The following ANK3 variants were observed in gnomAD, a reference collection of about 807,000 sequenced individuals.
ANK3 encodes the protein ankyrin 3, also known as ankyrin-3.
A neutral mutation model predicts 370.9 loss-of-function variants in ANK3; 57 were observed. The observed-to-expected ratio is 0.15, with a 90% CI of 0.12 to 0.19. The LOEUF (loss-of-function observed/expected upper bound fraction) is 0.19, where lower values mean the gene tolerates loss of function less well. Ranked by LOEUF, ANK3 falls within the 10% of genes least tolerant of loss-of-function variation. The probability of loss-of-function intolerance (pLI) is 1.00; values close to 1 mark genes in which losing one functional copy is unlikely to be tolerated. For synonymous variants in ANK3, 1,929 were observed against 1,946.3 expected, an observed-to-expected ratio of 0.99 and a Z score of 0.23; for missense variants, 4,439 against 5,302.1, an observed-to-expected ratio of 0.84 and a Z score of 5.06.
chr10:60,530,775 C>T (rs2076588364), intron 2 of ANK3, among the ~76,000 whole-genome samples: 1 of 152,118 alleles, frequency 6.6e-6, no homozygotes, highest in African/African-American at 2.4e-5. Flanking sequence ...TAGCTCTACA[C>T]CTTAATTTCT....
At chr10:60,129,160 C>A (rs745589278) in intron 25 of ANK3, among the ~76,000 whole-genome samples, 1 of 152,134 alleles carries the variant, frequency 6.6e-6, no homozygotes, top group Non-Finnish European at 1.5e-5. Context: ...GTTGACATAC[C>A]AATACACACC....
chr10:60,700,949 A>G (rs2079537700), intron 1 of ANK3, among the ~76,000 whole-genome samples: 1 of 152,092 alleles, frequency 6.6e-6, no homozygotes, highest in African/African-American at 2.4e-5. Flanking sequence ...AGTAAAAATA[A>G]AAATGTATAT....
chr10:60,394,681 T>C (rs1439256392), upstream of ANK3, among the ~76,000 whole-genome samples: 21 of 152,178 alleles, frequency 1.4e-4, no homozygotes, highest in Admixed American at 1.4e-3. Context: ...ATATCTGTGG[T>C]GTCTGTTTAA....
exon 2 of ANK3, chr10:60,615,218 A>G: frequency 6.6e-7 from 1 of 1,519,262 alleles, no homozygotes. Flanking sequence ...TCTGATCCAA[A>G]GCCACCCTAA....
At chr10:60,494,990 C>T (rs1237405851) in intron 2 of ANK3, among the ~76,000 whole-genome samples, 1 of 152,162 alleles carries the variant, frequency 6.6e-6, no homozygotes, top group African/African-American at 2.4e-5. Flanking sequence ...AGAAATCTAA[C>T]AATACCTTTT....
intron 28 of ANK3, among the ~76,000 whole-genome samples, chr10:60,098,867 T>C (rs1428159333): frequency 6.6e-6 from 1 of 152,142 alleles, no homozygotes; most frequent in African/African-American, 2.4e-5. Flanking sequence ...GATTTGCACG[T>C]GTAATAAGTG....
rs71015791 is a variant in ANK3, at chr10:60,395,618, TTCTCTCTCTCTCTC to T, written c.97-115993_97-115980del. 2.5e-4 allele frequency among the ~76,000 whole-genome samples: 32 copies of T among 126,280 alleles called. 1 individual carries two copies. Among genetic ancestry groups the T allele is most frequent in the Middle Eastern group, 3.9e-3 (1 of 256 alleles). The allele number at this position is 126,280 out of a possible 152,430, so 82.8% of individuals were successfully genotyped here. The stretch of plus-strand genomic sequence containing the variant: ...TTTCTTTCTTTCTTTCTCTCTTTCG[TTCTCTCTCTCTCTC>T]TCTCTCTCTCTCTCTCTCTTTCTTT... On this transcript the variant is annotated intron_variant, in intron 2 of 43. Coordinates refer to the ANK3 transcript ENST00000373827.
At chr10:60,450,021 G>T (rs963662682) in intron 2 of ANK3, among the ~76,000 whole-genome samples, 6 of 152,142 alleles carry the variant, frequency 3.9e-5, no homozygotes, top group African/African-American at 1.4e-4. Context: ...AAAGAGGCTG[G>T]GCACAGTGAC....
chr10:60,055,730 C>T lies in ANK3; in HGVS notation c.12993G>A (p.Arg4331=). 6.2e-7 allele frequency: 1 copy of T among 1,614,170 alleles called. No individual in the cohort carries two copies. The highest frequency in any genetic ancestry group is 1.3e-5 in the African/African-American group (1 of 75,042). ...CVPVSMKKMS[R]TSPADGKPRL... is the part of the protein sequence containing the mutation. ...TTGGCTTGCCATCTGCTGGAGAAGT[C>T]CTACTCATCTTTTTCATACTGACAG... Residue 4331 remains arginine, a synonymous_variant, in exon 42 of 44, where the codon AGG becomes AGA. Transcript: ENST00000280772.
chr10:60,064,375 G>A (rs71495624), intron 38 of ANK3, 87 bp from the exon 39 acceptor site: 29,377 of 1,355,126 alleles, frequency 0.022, 336 homozygotes, highest in Non-Finnish European at 0.025. Flanking sequence ...GCCACAAAAA[G>A]AAAAGGGAAT....
chr10:60,140,434 G>C (rs1188941736), intron 23 of ANK3: 1 of 1,612,884 alleles, frequency 6.2e-7, no homozygotes, highest in Non-Finnish European at 8.5e-7. Flanking sequence ...CAGTGATTTA[G>C]AATCAACCTC....
chr10:60,506,251 A>G (rs2075937511), intron 2 of ANK3, among the ~76,000 whole-genome samples: 1 of 152,142 alleles, frequency 6.6e-6, no homozygotes, highest in Non-Finnish European at 1.5e-5. Context: ...TTCTGCTCCT[A>G]CAAGGGAAGC....
intron 42 of ANK3, among the ~76,000 whole-genome samples, chr10:60,049,719 AAAAC>A (rs1333684899): frequency 2.6e-5 from 4 of 152,236 alleles, no homozygotes; most frequent in Non-Finnish European, 5.9e-5. Context: ...TTTAAGCTGA[AAAAC>A]AAAGATAACT....
At chr10:60,187,146 T>A (rs2096361532) in intron 16 of ANK3, among the ~76,000 whole-genome samples, 1 of 150,712 alleles carries the variant, frequency 6.6e-6, no homozygotes, top group Admixed American at 6.6e-5. Flanking sequence ...TTATTTTATT[T>A]TATTTTATTT....
At chr10:60,277,701 G>A (rs1057348565) in intron 4 of ANK3, among the ~76,000 whole-genome samples, 6 of 152,170 alleles carry the variant, frequency 3.9e-5, no homozygotes, top group African/African-American at 1.4e-4. Flanking sequence ...TGTACCCACA[G>A]CTCAGCTGTG....
At chr10:60,472,078 C>T (rs188425704) in intron 2 of ANK3, among the ~76,000 whole-genome samples, 5 of 152,208 alleles carry the variant, frequency 3.3e-5, no homozygotes, top group South Asian at 2.1e-4. Flanking sequence ...GATAGAGTGG[C>T]TCTAATTTAG....
chr10:60,582,859 T>C (rs187996161), intron 2 of ANK3, among the ~76,000 whole-genome samples: 3 of 152,056 alleles, frequency 2.0e-5, no homozygotes, highest in South Asian at 4.1e-4. Flanking sequence ...ACTATCAGAA[T>C]AGCAAAAGAT....
intron 2 of ANK3, among the ~76,000 whole-genome samples, chr10:60,535,441 G>T (rs1397325121): frequency 3.3e-5 from 5 of 152,068 alleles, no homozygotes. Flanking sequence ...TTTATCTGAA[G>T]AGATCGTTAT....
chr10:60,066,234 A>G (rs2081610006), intron 38 of ANK3, among the ~76,000 whole-genome samples: 1 of 152,212 alleles, frequency 6.6e-6, no homozygotes, highest in Non-Finnish European at 1.5e-5. Flanking sequence ...GAGCAAAGAC[A>G]CTGACACTAG....
Sources: allele counts gnomAD v4.1 joint callset (sites outside exome capture counted in the v4.1 genomes callset), GRCh38; gene constraint gnomAD v4.1.1; transcripts MANE v1.5; gene names NCBI Gene and HGNC (gene_info 2026-07-23, HGNC 2026-07-21).